The following AHCTF1 variants were observed in gnomAD, a reference collection of about 807,000 sequenced individuals.
AHCTF1 encodes the protein AT-hook containing transcription factor 1, also known as protein ELYS.
A neutral mutation model predicts 248.4 loss-of-function variants in AHCTF1; 24 were observed. The ratio of observed to expected loss-of-function variants is 0.10; its 90% confidence interval spans 0.07 to 0.14. AHCTF1 has a LOEUF of 0.14. Ranked by LOEUF, AHCTF1 falls within the 10% of genes least tolerant of loss-of-function variation. The pLI is 1.00. For synonymous variants in AHCTF1, 786 were observed against 929.8 expected, an observed-to-expected ratio of 0.85 and a Z score of 2.81; for missense variants, 2,206 against 2,636.2, an observed-to-expected ratio of 0.84 and a Z score of 3.57.
At chr1:246,864,477 T>C (rs1691251) in intron 26 of AHCTF1, among the ~76,000 whole-genome samples, 100,141 of 152,066 alleles carry the variant, frequency 0.66, 35,159 homozygotes, top group African/African-American at 0.91. Context: ...CCTGGCAATC[T>C]ATTTACTAAA....
intron 34 of AHCTF1, 108 bp from the exon 35 acceptor site, chr1:246,842,884 C>T (rs544134062): frequency 5.3e-5 from 48 of 911,238 alleles, no homozygotes; most frequent in Middle Eastern, 5.3e-4. Flanking sequence ...AATTCAAACT[C>T]GCCAAATGCA....
At chr1:246,905,323 C>A (rs1453470919) in intron 6 of AHCTF1, among the ~76,000 whole-genome samples, 4 of 152,040 alleles carry the variant, frequency 2.6e-5, no homozygotes, top group African/African-American at 7.2e-5. Context: ...CATGGTGAAA[C>A]CCCGTCTCTA....
chr1:246,928,064 T>C (rs1454053478), intron 1 of AHCTF1, among the ~76,000 whole-genome samples: 1 of 151,498 alleles, frequency 6.6e-6, no homozygotes, highest in Non-Finnish European at 1.5e-5. Flanking sequence ...ACGCCTGTAA[T>C]CCCAAGGCAG....
Position 246,849,939 on chromosome 1 carries a change from C to G in AHCTF1, c.6067G>C (p.Gly2023Arg), listed in dbSNP as rs778215011. Residue 2023 changes from glycine to arginine, a missense_variant, in exon 33 of 36, where the codon GGA (glycine) becomes CGA (arginine). This residue lies in a region of AHCTF1 where 469 missense variants were observed against 470.0 expected (regional missense o/e 1.00). Coordinates refer to ENST00000648844, the MANE Select transcript of AHCTF1 (RefSeq NM_001323342.2). ...TPAKSENVDV[G>R]KPALGKSILV... Reference sequence around the variant, plus strand: ...ATGGATTTTCCTAAAGCTGGTTTTCCAACATCAACATTTTCACTTTTAGCT... The same window carrying G: ...ATGGATTTTCCTAAAGCTGGTTTTCGAACATCAACATTTTCACTTTTAGCT... 2 of 1,613,914 alleles carry G rather than the reference C, an allele frequency of 1.2e-6. No homozygotes were observed. Among genetic ancestry groups the G allele is most frequent in the Non-Finnish European group, 1.7e-6 (2 of 1,179,852 alleles).
intron 33 of AHCTF1, among the ~76,000 whole-genome samples, chr1:246,847,034 C>G (rs1191795404): frequency 6.6e-6 from 1 of 152,112 alleles, no homozygotes; most frequent in East Asian, 1.9e-4. Flanking sequence ...TGCCTATAAT[C>G]CCAGCACTTT....
In AHCTF1 at chr1:246,876,824, T is replaced by G. The variant is rs931432495; in HGVS notation, c.2937+126A>C. 52 of 1,154,116 alleles carry G rather than the reference T, an allele frequency of 4.5e-5. 1 individual carries two copies. The highest frequency in any genetic ancestry group is 5.7e-5 in the Non-Finnish European group (47 of 818,790). The allele number at this position is 1,154,116 out of a possible 1,614,324, so 71.5% of individuals were successfully genotyped here. A position where few individuals can be genotyped will look rare whatever the true frequency, so the allele number is the denominator to read the frequency against. On this transcript the variant is annotated intron_variant, in intron 23 of 35. Coordinates refer to ENST00000648844, the MANE Select transcript of AHCTF1 (RefSeq NM_001323342.2). ...TTCTGTTACAGAGATGAACTGAGGA[T>G]TCTCCAAGTTCAAGGTAATGCTAGG...
chr1:246,896,276 C>T, intron 12 of AHCTF1, among the ~76,000 whole-genome samples: 1 of 152,268 alleles, frequency 6.6e-6, no homozygotes, highest in Non-Finnish European at 1.5e-5. Context: ...TGAAGGTTCA[C>T]AGCACCATTA....
At chr1:246,905,020 C>G (rs1665280786) in intron 6 of AHCTF1, among the ~76,000 whole-genome samples, 1 of 152,212 alleles carries the variant, frequency 6.6e-6, no homozygotes, top group Admixed American at 6.5e-5. Flanking sequence ...GAAAAACATT[C>G]AAGTAAGTCC....
intron 21 of AHCTF1, among the ~76,000 whole-genome samples, chr1:246,878,396 C>CAAAAAAAAAAAA (rs1199465751): frequency 9.7e-5 from 3 of 30,784 alleles, no homozygotes; most frequent in African/African-American, 2.4e-4. Flanking sequence ...GATTCTGTCT[C>CAAAAAAAAAAAA]AAAAAAAAAA....
At chr1:246,931,376 G>C (rs773635038) in intron 1 of AHCTF1, 2 of 1,512,830 alleles carry the variant, frequency 1.3e-6, no homozygotes, top group African/African-American at 1.4e-5. Context: ...CCCGGCGCCC[G>C]CGAGCCTGCC....
At chr1:246,858,886 C>G (rs13375572) in intron 29 of AHCTF1, among the ~76,000 whole-genome samples, 4,782 of 151,944 alleles carry the variant, frequency 0.031, 274 homozygotes, top group African/African-American at 0.11. Context: ...TATGAACATT[C>G]TTTTAACAGC....
At chr1:246,860,707 T>C (rs1468627674) in intron 29 of AHCTF1, among the ~76,000 whole-genome samples, 192 bp downstream of exon 29, 2 of 152,194 alleles carry the variant, frequency 1.3e-5, no homozygotes, top group Non-Finnish European at 2.9e-5. Context: ...GGCCTCGCTA[T>C]GTTGACCAGG....
rs761142676 is a variant in AHCTF1 at position 246,916,402 on chromosome 1, G to GA, written c.122-8dup. The GA allele has an allele frequency of 5.7e-5, 91 of 1,583,242 alleles. No homozygotes were observed. The highest frequency in any genetic ancestry group is 2.1e-4 in the Admixed American group (11 of 53,530). On this transcript the variant is annotated splice_region_variant and splice_polypyrimidine_tract_variant and intron_variant, in intron 2 of 35. Coordinates refer to ENST00000648844, the MANE Select transcript of AHCTF1 (RefSeq NM_001323342.2). Reference sequence around the variant, plus strand: ...CAAGCAAGTCCATTTTTCCCTAGAAGAAAAAAAAATTGCCTATTTTAATAT... The same window carrying GA: ...CAAGCAAGTCCATTTTTCCCTAGAAGAAAAAAAAAATTGCCTATTTTAATAT...
chr1:246,905,453 C>T lies in AHCTF1; in HGVS notation c.881+88G>A, dbSNP rs945327649. On this transcript the variant is annotated intron_variant, in intron 6 of 35. Coordinates refer to ENST00000648844, the MANE Select transcript of AHCTF1 (RefSeq NM_001323342.2). ...CGGAGGTTGCAGTGAGCCGAAATCACGCCACTGCACTCCAGCCTGGACAAC... is the reference window on the plus strand; with the variant it reads ...CGGAGGTTGCAGTGAGCCGAAATCATGCCACTGCACTCCAGCCTGGACAAC... The T allele has an allele frequency of 5.8e-5, 60 of 1,040,602 alleles. No individual in the cohort carries two copies. The African/African-American group carries it at 6.8e-4, about 12-fold the overall frequency. The allele number at this position is 1,040,602 out of a possible 1,614,324, so 64.5% of individuals were successfully genotyped here.
At position 246,842,773 on chromosome 1, in the gene AHCTF1, C is replaced by T; in HGVS notation, c.6529G>A (p.Asp2177Asn). The T allele has an allele frequency of 6.2e-7, 1 of 1,612,886 alleles. No individual in the cohort carries two copies. The highest frequency in any genetic ancestry group is 8.5e-7 in the Non-Finnish European group (1 of 1,179,248). ...AGAGTTTCTACTGATTGTGCATCAT[C>T]TTTCTATGGGTTAAACATTTTAAAA... ...NKNKLEDELK[D>N]DAQSVETLGK... Residue 2177 changes from aspartate to asparagine, a missense_variant, in exon 35 of 36, where the codon GAT (aspartate) becomes AAT (asparagine). Physicochemically the swap from Asp to Asn is conservative, Grantham distance 23. This residue lies in a region of AHCTF1 where 469 missense variants were observed against 470.0 expected (regional missense o/e 1.00). Transcript: ENST00000648844.
intron 19 of AHCTF1, 29 bp downstream of exon 19, chr1:246,888,148 G>T: frequency 6.2e-7 from 1 of 1,606,686 alleles, no homozygotes; most frequent in Non-Finnish European, 8.5e-7. Flanking sequence ...AGTAATACAT[G>T]AAACACTGGA....
chr1:246,906,707 T>C (rs1665420299), intron 5 of AHCTF1, among the ~76,000 whole-genome samples: 1 of 151,754 alleles, frequency 6.6e-6, no homozygotes, highest in South Asian at 2.1e-4. Context: ...GAGAAACAAA[T>C]AAATTGACAA....
chr1:246,847,712 GC>G (rs1660383597), intron 33 of AHCTF1, among the ~76,000 whole-genome samples: 3 of 152,080 alleles, frequency 2.0e-5, no homozygotes, highest in Admixed American at 2.0e-4. Context: ...CCATGTTGTT[GC>G]AGGTATTTTT....
intron 21 of AHCTF1, among the ~76,000 whole-genome samples, chr1:246,879,699 A>G (rs1222821407): frequency 1.3e-5 from 2 of 152,018 alleles, no homozygotes; most frequent in Non-Finnish European, 2.9e-5. Flanking sequence ...GTGGTGGTGC[A>G]TGCCTGTAAT....
Sources: gnomAD v4.1 joint callset for allele counts (sites outside exome capture counted in the v4.1 genomes callset) on GRCh38, gnomAD v4.1.1 for gene constraint, gnomAD v4.1.1 regional missense constraint, MANE v1.5 for transcripts, NCBI Gene and HGNC (gene_info 2026-07-23, HGNC 2026-07-21) for gene names.